The following MELK variants were observed in gnomAD, a reference collection of about 807,000 sequenced individuals.
MELK encodes maternal embryonic leucine zipper kinase.
Under a neutral mutation model 85.0 loss-of-function variants are expected in MELK, and 81 were observed. The observed-to-expected ratio is 0.95, with a 90% CI of 0.80 to 1.15. The LOEUF is 1.15. MELK is among the 50% of genes most tolerant of loss of function. The pLI is 0.00. For synonymous variants in MELK, 252 were observed against 265.0 expected (o/e 0.95, Z 0.48); for missense variants, 754 against 777.5 (o/e 0.97, Z 0.36).
chr9:36,660,555 C>G (rs904036425), intron 13 of MELK, among the ~76,000 whole-genome samples: 1 of 151,948 alleles, frequency 6.6e-6, no homozygotes, highest in Non-Finnish European at 1.5e-5. Flanking sequence ...CTCCTGGACT[C>G]AAGAGATCCA....
intron 7 of MELK, among the ~76,000 whole-genome samples, chr9:36,599,882 T>G (rs555714051): frequency 6.6e-6 from 1 of 152,326 alleles, no homozygotes; most frequent in African/African-American, 2.4e-5. Flanking sequence ...CCAGCAGCCC[T>G]GTGTAGGAGT....
chr9:36,666,668 A>G (rs1832362863), intron 14 of MELK, among the ~76,000 whole-genome samples: 1 of 152,164 alleles, frequency 6.6e-6, no homozygotes, highest in Non-Finnish European at 1.5e-5. Context: ...CTTCTAGTGT[A>G]CTAATGGAGC....
At position 36,590,272 on chromosome 9, in the gene MELK, A is replaced by G. The variant is rs79795299; in HGVS notation, c.261+620A>G. Among the ~76,000 whole-genome samples, 445 of 152,168 alleles carry G rather than the reference A, an allele frequency of 2.9e-3. 6 individuals are homozygous for G. Among genetic ancestry groups the G allele is most frequent in the East Asian group, 0.027 (142 of 5,188 alleles). On this transcript the variant is annotated intron_variant, in intron 4 of 17. Transcript: ENST00000298048. ...TTTCCTAGGGCTGTTGGAACAAATT[A>G]CTACAGACTTGGTGGCTTAAAGCAA...
intron 8 of MELK, 167 bp from the exon 9 acceptor site, chr9:36,630,132 A>C: frequency 1.6e-6 from 1 of 639,140 alleles, no homozygotes; most frequent in Non-Finnish European, 2.8e-6. Flanking sequence ...GGTGTGAGCC[A>C]CCACGCCCAG....
At chr9:36,665,277 T>C in intron 13 of MELK, 73 bp from the exon 14 acceptor site, 1 of 875,468 alleles carries the variant, frequency 1.1e-6, no homozygotes, top group Non-Finnish European at 1.8e-6. Context: ...AGTTTGCAAA[T>C]GATCAAGGAA....
In MELK at chr9:36,583,163, C is replaced by T. The variant is rs567694974; in HGVS notation, c.59-464C>T. ...TAATTTTTTGCATTTTTAGTAGAGA[C>T]GGAGTTTCACTGTGTTAGCCAGGAT... On this transcript the variant is annotated intron_variant, in intron 2 of 17. Transcript: ENST00000298048. Among the ~76,000 whole-genome samples the T allele has an allele frequency of 5.3e-5, 8 of 151,928 alleles. No individual in the cohort carries two copies. The East Asian group carries it at 9.7e-4, about 18-fold the overall frequency.
chr9:36,620,987 G>A (rs965600960), intron 8 of MELK, among the ~76,000 whole-genome samples: 1 of 151,756 alleles, frequency 6.6e-6, no homozygotes, highest in Non-Finnish European at 1.5e-5. Context: ...AAACTGAATA[G>A]AGGCTGGGCG....
chr9:36,602,265 G>A (rs931871466), intron 7 of MELK, among the ~76,000 whole-genome samples: 4 of 151,888 alleles, frequency 2.6e-5, no homozygotes, highest in Non-Finnish European at 4.4e-5. Context: ...GACTGAGGTG[G>A]GCGGATCATG....
At chr9:36,643,736 C>T (rs556403956) in intron 11 of MELK, among the ~76,000 whole-genome samples, 21 of 152,104 alleles carry the variant, frequency 1.4e-4, no homozygotes, top group African/African-American at 5.1e-4. Context: ...AGATCGAGAC[C>T]ATCCTGGCTA....
chr9:36,647,008 G>A (rs932350660), intron 11 of MELK, among the ~76,000 whole-genome samples: 1 of 152,216 alleles, frequency 6.6e-6, no homozygotes, highest in African/African-American at 2.4e-5. Context: ...CTTGTGGATT[G>A]ACATCACCTG....
intron 12 of MELK, among the ~76,000 whole-genome samples, chr9:36,656,723 A>G (rs1831288514): frequency 6.6e-6 from 1 of 151,394 alleles, no homozygotes; most frequent in Admixed American, 6.6e-5. Context: ...CACCTGGTGG[A>G]CTCAAGTGAT....
intron 8 of MELK, among the ~76,000 whole-genome samples, chr9:36,609,889 A>G (rs1422367514): frequency 6.6e-6 from 1 of 152,216 alleles, no homozygotes; most frequent in Admixed American, 6.5e-5. Context: ...TGTTGGAGAC[A>G]GGTATAAGCT....
At position 36,630,325 on chromosome 9, in the gene MELK, GCT is replaced by G. The variant is rs1564183416; in HGVS notation, c.699_700del (p.Pro234GlnfsTer2). 6.2e-7 allele frequency: 1 copy of G among 1,610,912 alleles called. No homozygotes were observed. The highest frequency in any genetic ancestry group is 2.2e-5 in the East Asian group (1 of 44,784). ...MRGKYDVPKW[L>X]SPSSILLLQQ... ...GAGGAAAATATGATGTTCCCAAGTG[GCT>G]CTCTCCCAGTAGCATTCTGCTTCTT... On this transcript the variant is annotated frameshift_variant, in exon 9 of 18. Transcript: ENST00000298048. LOFTEE classifies it high-confidence loss of function.
At chr9:36,643,133 A>C (rs1829911015) in intron 11 of MELK, 50 bp downstream of exon 11, 7 of 1,516,062 alleles carry the variant, frequency 4.6e-6, no homozygotes, top group Non-Finnish European at 6.3e-6. Flanking sequence ...CTGTAATCCA[A>C]ACACTTTGGG....
chr9:36,592,166 TC>T (rs1221260819), intron 4 of MELK, among the ~76,000 whole-genome samples: 2 of 147,978 alleles, frequency 1.4e-5, no homozygotes, highest in African/African-American at 2.5e-5. Context: ...TCATCACATT[TC>T]TTTTCTTTTT....
intron 9 of MELK, among the ~76,000 whole-genome samples, chr9:36,630,895 C>G (rs959786444): frequency 6.6e-6 from 1 of 151,550 alleles, no homozygotes; most frequent in African/African-American, 2.4e-5. Flanking sequence ...CTCAAGGTAT[C>G]TGCCTGCCTC....
intron 11 of MELK, 25 bp downstream of exon 11, chr9:36,643,108 C>A: frequency 1.3e-6 from 2 of 1,588,210 alleles, no homozygotes; most frequent in South Asian, 2.3e-5. Flanking sequence ...ATGGGCTGGG[C>A]GCAGTGGCTC....
chr9:36,604,782 T>A (rs896825967), intron 7 of MELK, among the ~76,000 whole-genome samples: 10 of 151,630 alleles, frequency 6.6e-5, no homozygotes, highest in African/African-American at 2.4e-4. Context: ...TTGCTGGAAT[T>A]ATAGGCATGT....
intron 8 of MELK, among the ~76,000 whole-genome samples, chr9:36,612,115 TGACAGAGTCTCGCTCTGTCACCCA>T (rs1164653018): frequency 6.6e-6 from 1 of 151,924 alleles, no homozygotes; most frequent in Non-Finnish European, 1.5e-5. Context: ...TTTTTTTCTG[TGACAGAGTCTCGCTCTGTCACCCA>T]GGCTGGAGTG....
Sources: allele counts gnomAD v4.1 joint callset (sites outside exome capture counted in the v4.1 genomes callset), GRCh38; gene constraint gnomAD v4.1.1; transcripts MANE v1.5; gene names NCBI Gene and HGNC (gene_info 2026-07-23, HGNC 2026-07-21).